The following ENKUR variants were observed in gnomAD, a reference collection of about 807,000 sequenced individuals.
The protein encoded by ENKUR is enkurin, TRPC channel interacting protein.
A neutral mutation model predicts 27.6 loss-of-function variants in ENKUR; 19 were observed. The ratio of observed to expected loss-of-function variants is 0.69; its 90% CI spans 0.48 to 1.01. The LOEUF is 1.01. Among genes scored for constraint, ENKUR ranks in the 50% least tolerant of loss-of-function variants. The pLI is 0.00. For synonymous variants in ENKUR, 117 were observed against 96.9 expected, an observed-to-expected ratio of 1.21 and a Z score of -1.22; for missense variants, 312 against 310.5, an observed-to-expected ratio of 1.00 and a Z score of -0.04.
chr10:25,022,820 AG>A (rs1267094260), intron 2 of ENKUR, among the ~76,000 whole-genome samples: 2 of 152,178 alleles, frequency 1.3e-5, no homozygotes, highest in Non-Finnish European at 1.5e-5. Flanking sequence ...TTTCATTAAA[AG>A]ATCTCAATAT....
intron 2 of ENKUR, among the ~76,000 whole-genome samples, chr10:25,059,488 T>C (rs1197441846): frequency 6.6e-6 from 1 of 152,062 alleles, no homozygotes; most frequent in Non-Finnish European, 1.5e-5. Context: ...GTATATAACA[T>C]AAAAAAATTC....
At chr10:25,058,752 G>A (rs888297157) in intron 2 of ENKUR, among the ~76,000 whole-genome samples, 1 of 151,920 alleles carries the variant, frequency 6.6e-6, no homozygotes, top group African/African-American at 2.4e-5. Context: ...CCAACATGGT[G>A]AAACCCTGTC....
upstream of ENKUR, among the ~76,000 whole-genome samples, chr10:25,020,282 A>ATCTATATCTATATCTATATC (rs1564347806): frequency 2.6e-5 from 4 of 151,766 alleles, no homozygotes; most frequent in Admixed American, 6.6e-5. Context: ...ATCTATATAT[A>ATCTATATCTATATCTATATC]TCTACCCCAA....
intron 1 of ENKUR, among the ~76,000 whole-genome samples, chr10:25,002,747 A>G (rs888739918): frequency 2.0e-5 from 3 of 152,048 alleles, no homozygotes; most frequent in Non-Finnish European, 4.4e-5. Flanking sequence ...TCCTTTTAGG[A>G]GCCTTGCCTC....
At chr10:25,007,791 G>A (rs2132712772) in intron 1 of ENKUR, among the ~76,000 whole-genome samples, 1 of 152,064 alleles carries the variant, frequency 6.6e-6, no homozygotes, top group East Asian at 1.9e-4. Context: ...GCCAGTAAAT[G>A]CATATGGAAG....
chr10:24,998,786 A>G (rs1850121861), intron 2 of ENKUR, among the ~76,000 whole-genome samples: 1 of 152,152 alleles, frequency 6.6e-6, no homozygotes, highest in African/African-American at 2.4e-5. Context: ...CCCAGTAAAA[A>G]ATAAAAACAC....
chr10:25,017,046 CCCTTGGGCGGTCCTCCGGGTCGGCT>C (rs1850608456), upstream of ENKUR, among the ~76,000 whole-genome samples: 2 of 152,114 alleles, frequency 1.3e-5, no homozygotes, highest in Non-Finnish European at 2.9e-5. Context: ...CCGGGACCGC[CCCTTGGGCGGTCCTCCGGGTCGGCT>C]CTGCGCCTGC....
upstream of ENKUR, among the ~76,000 whole-genome samples, chr10:25,017,007 C>A: frequency 6.6e-6 from 1 of 152,196 alleles, no homozygotes; most frequent in East Asian, 1.9e-4. Flanking sequence ...CCTCCTCCGC[C>A]TGCTGCGCTC....
At chr10:25,057,423 ACACAC>A (rs1564359454) in intron 2 of ENKUR, among the ~76,000 whole-genome samples, 2,289 of 144,782 alleles carry the variant, frequency 0.016, 77 homozygotes, top group African/African-American at 0.056. Context: ...ACACACACAC[ACACAC>A]AATGCCCTTA....
At chr10:25,061,466 T>A in intron 1 of ENKUR, 1 of 291,912 alleles carries the variant, frequency 3.4e-6, no homozygotes, top group Non-Finnish European at 6.3e-6. Context: ...CTGAGCCTAC[T>A]GTTCTCCCCC....
chr10:25,027,356 TCAAAA>T (rs1221150907), intron 2 of ENKUR, among the ~76,000 whole-genome samples: 777 of 45,716 alleles, frequency 0.017, 58 homozygotes, highest in Non-Finnish European at 0.022. Flanking sequence ...GACTCCCGTC[TCAAAA>T]AAAAAAAAAA....
At chr10:25,059,739 T>G (rs1203238133) in intron 2 of ENKUR, among the ~76,000 whole-genome samples, 1 of 151,938 alleles carries the variant, frequency 6.6e-6, no homozygotes, top group Non-Finnish European at 1.5e-5. Context: ...GAAAATTGCT[T>G]GAACAACCCA....
rs1383544534 is a variant in ENKUR at position 24,998,270 on chromosome 10, T to G, written c.223+1131A>C. Among the ~76,000 whole-genome samples the G allele has an allele frequency of 3.9e-5, 6 of 152,190 alleles. No individual in the cohort carries two copies. In the East Asian group the frequency reaches 9.7e-4, roughly 25 times the overall value. On this transcript the variant is annotated intron_variant, in intron 2 of 5. Transcript: ENST00000331161. ...AACATTTTGAAGAGACAGACTCGTT[T>G]CTTTTTTCTTTTCTTTTCTTTTCTT...
intron 4 of ENKUR, among the ~76,000 whole-genome samples, chr10:24,988,238 A>ATATATATATATATGTGTG (rs1849822698): frequency 1.4e-5 from 2 of 145,544 alleles, no homozygotes; most frequent in African/African-American, 5.1e-5. Context: ...AAAAATGTAT[A>ATATATATATATATGTGTG]TATATATATA....
chr10:25,050,378 A>G (rs904869444), intron 2 of ENKUR, among the ~76,000 whole-genome samples: 4 of 152,242 alleles, frequency 2.6e-5, no homozygotes, highest in African/African-American at 9.6e-5. Flanking sequence ...TCACAGTTCC[A>G]CATGGCTAGG....
At chr10:25,029,218 C>A (rs1350841994) in intron 2 of ENKUR, among the ~76,000 whole-genome samples, 1 of 152,048 alleles carries the variant, frequency 6.6e-6, no homozygotes, top group Non-Finnish European at 1.5e-5. Flanking sequence ...TTTATGTCAA[C>A]ATTAAAAATC....
At chr10:25,006,171 C>T (rs940913155) in intron 1 of ENKUR, among the ~76,000 whole-genome samples, 2 of 152,158 alleles carry the variant, frequency 1.3e-5, no homozygotes, top group African/African-American at 4.8e-5. Context: ...GATAGCTGCA[C>T]ACCCAGAGCA....
At chr10:25,029,159 T>C (rs1022844255) in intron 2 of ENKUR, among the ~76,000 whole-genome samples, 2 of 152,224 alleles carry the variant, frequency 1.3e-5, no homozygotes, top group African/African-American at 4.8e-5. Context: ...TTAGTGACTG[T>C]AAACTTCTTA....
rs115061550 is a variant in ENKUR, at chr10:24,989,121, C to G, written c.594+1342G>C. 2.8e-3 allele frequency among the ~76,000 whole-genome samples: 432 copies of G among 152,246 alleles called. 4 individuals carry two copies. The highest frequency in any genetic ancestry group is 9.1e-3 in the African/African-American group (377 of 41,554). On this transcript the variant is annotated intron_variant, in intron 4 of 5. Transcript: ENST00000331161. ...TTGTCATATTCTTATTTTTCAGCATCATTTAGGTGTAAAAACCTGGCTTTC... is the reference window on the plus strand; with the variant it reads ...TTGTCATATTCTTATTTTTCAGCATGATTTAGGTGTAAAAACCTGGCTTTC...
Sources: gnomAD v4.1 joint callset for allele counts (sites outside exome capture counted in the v4.1 genomes callset) on GRCh38, gnomAD v4.1.1 for gene constraint, MANE v1.5 for transcripts, NCBI Gene and HGNC (gene_info 2026-07-23, HGNC 2026-07-21) for gene names.